Variants in TULP4 observed in about 807,000 individuals in gnomAD.
TULP4 encodes the protein TUB like protein 4.
Under a neutral mutation model 129.0 loss-of-function variants are expected in TULP4, and 16 were observed. The observed-to-expected ratio is 0.12, with a 90% confidence interval of 0.08 to 0.19. TULP4 has a LOEUF of 0.19. Among genes scored for constraint, TULP4 ranks in the 10% least tolerant of loss-of-function variants. TULP4 has a pLI of 1.00. For missense variants in TULP4, 1,842 were observed against 2,059.1 expected (o/e 0.89, Z 2.04); for synonymous variants, 998 against 854.0 (o/e 1.17, Z -2.94).
At chr6:158,242,158 G>T in intron 1 of TULP4, 1 of 1,060,928 alleles carries the variant, frequency 9.4e-7, no homozygotes, top group Non-Finnish European at 1.5e-6. Flanking sequence ...GGCCAGTCCT[G>T]CCTGTGGGTC....
rs1779407878 is a variant in TULP4 at position 158,313,379 on chromosome 6, T to TAAAAC, written c.-638_-637insAAAAC. 2.5e-6 allele frequency: 1 copy of TAAAAC among 398,280 alleles called. No individual in the cohort carries two copies. Among genetic ancestry groups the TAAAAC allele is most frequent in the Non-Finnish European group, 4.4e-6 (1 of 225,946 alleles). The allele number at this position is 398,280 out of a possible 1,614,324, so 24.7% of individuals were successfully genotyped here. A position where few individuals can be genotyped will look rare whatever the true frequency, so the allele number is the denominator to read the frequency against. On this transcript the variant is annotated 5_prime_UTR_variant, in exon 1 of 14. Coordinates refer to ENST00000367097, the MANE Select transcript of TULP4 (RefSeq NM_020245.5). ...ACTCTTGTCTGCACAAACTCTGGTCTGTTTTGCACGGTTTGTGTGCCTTTT... is the reference window on the plus strand; with the variant it reads ...ACTCTTGTCTGCACAAACTCTGGTCTAAAACGTTTTGCACGGTTTGTGTGCCTTTT...
chr6:158,275,705 G>A (rs1778633208), intron 1 of TULP4, among the ~76,000 whole-genome samples: 1 of 152,202 alleles, frequency 6.6e-6, no homozygotes, highest in Non-Finnish European at 1.5e-5. Context: ...GGTCTTATGA[G>A]AATTTCTGTA....
At chr6:158,475,295 T>C (rs628203) in intron 6 of TULP4, among the ~76,000 whole-genome samples, 63,577 of 152,160 alleles carry the variant, frequency 0.42, 14,595 homozygotes, top group African/African-American at 0.62. Flanking sequence ...AGTTTGTCCT[T>C]TCCAGCTGAG....
intron 8 of TULP4, among the ~76,000 whole-genome samples, chr6:158,484,692 G>A (rs776680196): frequency 2.6e-5 from 4 of 152,142 alleles, no homozygotes; most frequent in African/African-American, 7.2e-5. Context: ...AGGACACAGC[G>A]AAAAGACAGC....
chr6:158,284,496 T>C (rs143345295), intron 1 of TULP4, among the ~76,000 whole-genome samples: 46 of 151,968 alleles, frequency 3.0e-4, no homozygotes, highest in African/African-American at 1.0e-3. Context: ...GCTAGACATA[T>C]AAGGAAATGA....
chr6:158,450,433 G>A (rs1333055555), intron 4 of TULP4, among the ~76,000 whole-genome samples: 1 of 152,164 alleles, frequency 6.6e-6, no homozygotes, highest in Non-Finnish European at 1.5e-5. Flanking sequence ...CAGCAGACAC[G>A]TATGTGTGTA....
intron 1 of TULP4, among the ~76,000 whole-genome samples, chr6:158,292,171 C>G (rs1051383179): frequency 2.0e-5 from 3 of 152,188 alleles, no homozygotes; most frequent in Non-Finnish European, 2.9e-5. Context: ...GCCTGTGAGT[C>G]CTGCTGAATG....
Position 158,502,854 on chromosome 6 carries a change from C to G in TULP4, c.3191C>G (p.Ser1064Cys). 6.2e-7 allele frequency: 1 copy of G among 1,613,730 alleles called. No homozygotes were observed. The highest frequency in any genetic ancestry group is 2.2e-5 in the East Asian group (1 of 44,864). ...AHTASASPLA[S>C]QSSYSLLSPP... ...ACCGCCAGCGCCTCCCCGTTGGCCT[C>G]CCAGTCCTCCTACAGCCTCCTGAGC... Residue 1064 changes from serine to cysteine, a missense_variant, in exon 13 of 14, where the codon TCC (serine) becomes TGC (cysteine). By Grantham distance (112) the Ser-to-Cys change is moderately radical. This residue lies in a region of TULP4 where 1,089 missense variants were observed against 987.1 expected (regional missense o/e 1.10). Coordinates refer to ENST00000367097, the MANE Select transcript of TULP4 (RefSeq NM_020245.5).
chr6:158,366,485 C>T (rs561012213), intron 1 of TULP4, among the ~76,000 whole-genome samples: 120 of 152,302 alleles, frequency 7.9e-4, no homozygotes, highest in African/African-American at 2.7e-3. Context: ...CAGCCATAGC[C>T]TCCGGTAGTG....
intron 6 of TULP4, among the ~76,000 whole-genome samples, chr6:158,467,523 C>T (rs530983235): frequency 6.6e-6 from 1 of 152,110 alleles, no homozygotes; most frequent in Non-Finnish European, 1.5e-5. Context: ...CCTCGTGATC[C>T]ACCCGCCTCA....
chr6:158,300,473 A>G (rs1010578675), intron 1 of TULP4, among the ~76,000 whole-genome samples: 4 of 152,168 alleles, frequency 2.6e-5, no homozygotes, highest in Non-Finnish European at 4.4e-5. Context: ...TTAAAGTGCA[A>G]TTGGCCTGTT....
intron 1 of TULP4, chr6:158,241,907 C>T: frequency 1.3e-6 from 1 of 769,932 alleles, no homozygotes. Flanking sequence ...TTGTTAAATT[C>T]TATAGCTTGT....
chr6:158,297,051 G>A (rs1330965270), intron 1 of TULP4, among the ~76,000 whole-genome samples: 1 of 152,126 alleles, frequency 6.6e-6, no homozygotes, highest in Non-Finnish European at 1.5e-5. Flanking sequence ...ATCCTAGTAA[G>A]CCTGAGGGTA....
chr6:158,423,328 A>G (rs921264110), intron 2 of TULP4, among the ~76,000 whole-genome samples: 1 of 152,270 alleles, frequency 6.6e-6, no homozygotes, highest in Admixed American at 6.5e-5. Flanking sequence ...ATTTAATGAT[A>G]CGAAGTTACA....
chr6:158,506,222 CTTTTTTT>C (rs61292138), intron 13 of TULP4, among the ~76,000 whole-genome samples: 13 of 55,498 alleles, frequency 2.3e-4, no homozygotes, highest in African/African-American at 2.8e-4. Flanking sequence ...TCGCCTTGTT[CTTTTTTT>C]TTTTTTTTTT....
At chr6:158,455,283 C>T (rs1480078278) in intron 5 of TULP4, among the ~76,000 whole-genome samples, 1 of 23,924 alleles carries the variant, frequency 4.2e-5, no homozygotes. Context: ...ACCTTGTTAG[C>T]CAGGATGGTC....
Position 158,479,781 on chromosome 6 carries a change from C to A in TULP4, c.1057C>A (p.Arg353=). ...CATCATCTCCATCTGCTGGGGTCAC[C>A]GGGATTCGAGGCTGTTGATGGCATC... The part of the protein sequence containing the change: ...RPIISICWGH[R]DSRLLMASGP... The change falls in exon 7 of 14, where the codon CGG becomes AGG. Residue 353 remains arginine (R), a synonymous_variant. Coordinates refer to ENST00000367097, the MANE Select transcript of TULP4 (RefSeq NM_020245.5). 6.2e-7 allele frequency: 1 copy of A among 1,613,932 alleles called. No individual in the cohort carries two copies. The highest frequency in any genetic ancestry group is 8.5e-7 in the Non-Finnish European group (1 of 1,179,878).
chr6:158,253,079 T>G (rs765480552), intron 1 of TULP4, among the ~76,000 whole-genome samples: 1 of 152,252 alleles, frequency 6.6e-6, no homozygotes, highest in Admixed American at 6.5e-5. Context: ...CCCATGCGAA[T>G]TGTCAGTCAC....
At chr6:158,416,329 G>T (rs1368936122) in intron 2 of TULP4, among the ~76,000 whole-genome samples, 2 of 152,144 alleles carry the variant, frequency 1.3e-5, no homozygotes, top group Non-Finnish European at 2.9e-5. Context: ...CAGTATTAAC[G>T]ATCACACCCC....
Sources: gnomAD v4.1 joint callset for allele counts (sites outside exome capture counted in the v4.1 genomes callset) on GRCh38, gnomAD v4.1.1 for gene constraint, gnomAD v4.1.1 regional missense constraint, MANE v1.5 for transcripts, NCBI Gene and HGNC (gene_info 2026-07-23, HGNC 2026-07-21) for gene names.